Variants in TAF1C observed in about 807,000 individuals in gnomAD.
TAF1C encodes TATA box-binding protein-associated factor RNA polymerase I subunit C.
Under a neutral mutation model 70.5 loss-of-function variants are expected in TAF1C, and 79 were observed. The observed-to-expected ratio is 1.12, with a 90% CI of 0.93 to 1.35. TAF1C has a LOEUF of 1.35. Among genes scored for constraint, TAF1C ranks in the 40% most tolerant of loss-of-function variants. TAF1C has a pLI of 0.00. For synonymous variants in TAF1C, 614 were observed against 491.1 expected (o/e 1.25, Z -3.31); for missense variants, 1,412 against 1,127.8 (o/e 1.25, Z -3.61).
intron 3 of TAF1C, 47 bp from the exon 4 acceptor site, chr16:84,183,554 G>C: frequency 6.4e-7 from 1 of 1,570,230 alleles, no homozygotes; most frequent in East Asian, 2.3e-5. Context: ...CAGGAGTGCG[G>C]CCAGATGCCC....
chr16:84,183,088 TGTCCACCGAG>T lies in TAF1C; in HGVS notation c.460_469del (p.Leu154ThrfsTer91), dbSNP rs2089292992. 6.2e-7 allele frequency: 1 copy of T among 1,614,134 alleles called. No individual in the cohort carries two copies. Among genetic ancestry groups the T allele is most frequent in the Non-Finnish European group, 8.5e-7 (1 of 1,180,028 alleles). On this transcript the variant is annotated frameshift_variant, in exon 6 of 15. Transcript: ENST00000566732. LOFTEE classifies it high-confidence loss of function. ...ATCAGCCACTTGCCCCCAGGGCTGGTGTCCACCGAGGTCCTGGAGCAGCTTCTTCACACTG... is the reference window on the plus strand; with the variant it reads ...ATCAGCCACTTGCCCCCAGGGCTGGTGTCCTGGAGCAGCTTCTTCACACTG...
rs769004895 is a variant in TAF1C at position 84,179,444 on chromosome 16, C to A, written c.2029G>T (p.Ala677Ser). ...GACTCGGGTGCAGGGGGTGGCTCTG[C>A]CGCAGGGAGGGAGCCCAGGTCTCTC... is the stretch of plus-strand genomic sequence containing the variant. ...LQRDLGSLPA[A>S]EPPPAPESGL... is the part of the protein sequence containing the mutation. The change falls in exon 15 of 15, where the codon GCA (alanine) becomes TCA (serine). Residue 677 changes from alanine (A) to serine (S), a missense_variant. Coordinates refer to ENST00000566732, the MANE Select transcript of TAF1C (RefSeq NM_001243156.2). 2 of 1,596,762 alleles carry A rather than the reference C, an allele frequency of 1.3e-6. No homozygotes were observed. Among genetic ancestry groups the A allele is most frequent in the East Asian group, 4.5e-5 (2 of 44,760 alleles).
Position 84,183,490 on chromosome 16 carries a change from G to C in TAF1C, c.238C>G (p.Leu80Val), listed in dbSNP as rs558618789. 6.8e-6 allele frequency: 11 copies of C among 1,611,004 alleles called. No individual in the cohort carries two copies. In the African/African-American group the frequency reaches 9.3e-5, roughly 14 times the overall value. Residue 80 changes from leucine (L) to valine (V), a missense_variant, in exon 4 of 15, where the codon CTG (leucine) becomes GTG (valine). Transcript: ENST00000566732. ...CGGAAAAGCAGGTCCCGGGCAGTCA[G>C]GCCAGGGTCCCAGGGATCTGAGAAG... ...PPLIDPWDPGLTARDLLFRGG... is the reference protein window; with the variant it reads ...PPLIDPWDPGVTARDLLFRGG...
At chr16:84,181,298 C>T (rs2089172294) in intron 11 of TAF1C, 30 bp downstream of exon 11, 4 of 1,609,788 alleles carry the variant, frequency 2.5e-6, no homozygotes, top group African/African-American at 2.7e-5. Context: ...CTCCCGCAGT[C>T]GGGGTGGGTC....
intron 2 of TAF1C, among the ~76,000 whole-genome samples, chr16:84,184,312 C>A (rs2089367772): frequency 6.6e-6 from 1 of 152,192 alleles, no homozygotes; most frequent in Non-Finnish European, 1.5e-5. Flanking sequence ...AGCCTCTGCT[C>A]CACTGTCTCT....
At chr16:84,183,193 C>G in intron 5 of TAF1C, 44 bp from the exon 6 acceptor site, 1 of 1,613,900 alleles carries the variant, frequency 6.2e-7, no homozygotes, top group Non-Finnish European at 8.5e-7. Context: ...CTCGAGTTCA[C>G]CCCTGAAGGA....
rs535080974 is a variant in TAF1C at position 84,180,253 on chromosome 16, A to C, written c.1400T>G (p.Leu467Arg). The C allele has an allele frequency of 7.7e-5, 119 of 1,543,606 alleles. 4 individuals are homozygous for C. The South Asian group carries it at 1.3e-3, about 17-fold the overall frequency. Residue 467 changes from leucine to arginine, a missense_variant, in exon 13 of 15, where the codon CTG becomes CGG. Transcript: ENST00000566732. ...GLPSPLLLAR[L>R]LPPPRPSCVQ... ...GCAGCTGGGCCGGGGCGGAGGCAGC[A>C]GTCGGGCCAGCAGGAGCGGGGAGGG...
In TAF1C at chr16:84,184,880, G is replaced by A. The variant is rs1236790177; in HGVS notation, c.109C>T (p.Leu37=). 6.2e-7 allele frequency: 1 copy of A among 1,610,330 alleles called. No homozygotes were observed. Among genetic ancestry groups the A allele is most frequent in the Non-Finnish European group, 8.5e-7 (1 of 1,178,474 alleles). ...GAGTTCTGGGGCTGGGCCTCTGGCA[G>A]AGTCAGTGCGTCTCGCCAGCTGCAC... ...FMCSWRDALT[L]PEAQPQNSEN... is the part of the protein sequence containing the mutation. The change falls in exon 2 of 15, where the codon CTG becomes TTG. Residue 37 remains leucine, a synonymous_variant. Coordinates refer to ENST00000566732, the MANE Select transcript of TAF1C (RefSeq NM_001243156.2).
intron 12 of TAF1C, 167 bp from the exon 13 acceptor site, chr16:84,180,511 A>C: frequency 1.4e-6 from 1 of 710,650 alleles, no homozygotes; most frequent in Non-Finnish European, 2.2e-6. Context: ...AGCCCTGAAC[A>C]GGTGCCGCTT....
At position 84,182,142 on chromosome 16, in the gene TAF1C, G is replaced by A. The variant is rs898050747; in HGVS notation, c.721+60C>T. The A allele has an allele frequency of 1.3e-6, 2 of 1,590,514 alleles. No homozygotes were observed. Among genetic ancestry groups the A allele is most frequent in the Admixed American group, 3.4e-5 (2 of 58,694 alleles). On this transcript the variant is annotated intron_variant, in intron 7 of 14. Coordinates refer to ENST00000566732, the MANE Select transcript of TAF1C (RefSeq NM_001243156.2). This position sits in a 1 kb window ranked among gnomAD's most constrained non-coding sequence, Gnocchi z 5.0. ...CCTGCCCTTCTCTGGACCATGCCAA[G>A]AGCACCTCCTCTACCAGAGGCGAGC...
chr16:84,179,216 CAG>C lies in TAF1C; in HGVS notation c.2255_2256del (p.Pro752ArgfsTer6). 6.3e-7 allele frequency: 1 copy of C among 1,585,374 alleles called. No homozygotes were observed. Among genetic ancestry groups the C allele is most frequent in the Non-Finnish European group, 8.5e-7 (1 of 1,172,106 alleles). On this transcript the variant is annotated frameshift_variant, in exon 15 of 15. Coordinates refer to ENST00000566732, the MANE Select transcript of TAF1C (RefSeq NM_001243156.2). LOFTEE classifies it low-confidence loss of function (END_TRUNC). ...GGCAGAGCATCAGCAGGTGGCCACT[CAG>C]GGCTATGAGGGGAGCTGGTGTCCTC... ...PSEDTSSPHSPEWPPADALPL... is the reference protein window; with the variant it reads ...PSEDTSSPHSXEWPPADALPL...
intron 2 of TAF1C, 52 bp from the exon 3 acceptor site, chr16:84,183,830 GCC>G: frequency 2.1e-6 from 3 of 1,413,658 alleles, no homozygotes; most frequent in Non-Finnish European, 3.0e-6. Flanking sequence ...CCCTCCCTGG[GCC>G]AGGCTGTGCA....
rs1384045418 is a variant in TAF1C at position 84,182,251 on chromosome 16, G to A, written c.672C>T (p.Pro224=). The change falls in exon 7 of 15, where the codon CCC becomes CCT. Residue 224 remains proline (P), a synonymous_variant. Coordinates refer to ENST00000566732, the MANE Select transcript of TAF1C (RefSeq NM_001243156.2). This position sits in a 1 kb window ranked among gnomAD's most constrained non-coding sequence, Gnocchi z 5.0. ...CAGGGTAGACCAGCTGCCCGAACTG[G>A]GGTGTCCTTCCAGGAACCCAGGCCA... ...GALAWVPGRT[P]QFGQLVYPAG... 1.2e-6 allele frequency: 2 copies of A among 1,613,024 alleles called. No homozygotes were observed. Among genetic ancestry groups the A allele is most frequent in the Non-Finnish European group, 1.7e-6 (2 of 1,179,954 alleles).
chr16:84,180,083 C>G lies in TAF1C; in HGVS notation c.1484G>C (p.Gly495Ala). 4 of 1,593,224 alleles carry G rather than the reference C, an allele frequency of 2.5e-6. No individual in the cohort carries two copies. The East Asian group carries it at 6.7e-5, about 27-fold the overall frequency. The change falls in exon 14 of 15, where the codon GGA becomes GCA. Residue 495 changes from glycine (G) to alanine (A), a missense_variant and splice_region_variant. Physicochemically the swap from Gly to Ala is moderately conservative, Grantham distance 60 (BLOSUM62 0). Coordinates refer to ENST00000566732, the MANE Select transcript of TAF1C (RefSeq NM_001243156.2). ...CAGGCGGGGCACCGACGCCCCTTCT[C>G]CTGAGGAAGGACAGACAGCTGAGGC... ...GGQLQLLHLA[G>A]EGASVPRLAG...
chr16:84,180,400 T>G (rs1567588753), intron 12 of TAF1C, 56 bp from the exon 13 acceptor site: 1 of 1,502,874 alleles, frequency 6.7e-7, no homozygotes, highest in Non-Finnish European at 8.8e-7. Flanking sequence ...AGCTGTGTAG[T>G]GGCCCTCCAG....
intron 2 of TAF1C, 52 bp from the exon 3 acceptor site, chr16:84,183,830 GC>G (rs2089340889): frequency 7.1e-7 from 1 of 1,413,678 alleles, no homozygotes. Context: ...CCCTCCCTGG[GC>G]CAGGCTGTGC....
At position 84,180,375 on chromosome 16, in the gene TAF1C, C is replaced by T. The variant is rs4150163; in HGVS notation, c.1309-31G>A. On this transcript the variant is annotated intron_variant, in intron 12 of 14. Coordinates refer to ENST00000566732, the MANE Select transcript of TAF1C (RefSeq NM_001243156.2). ...GCCCGAGAAGGAAGGGGGATGTGGC[C>T]GAACTTGGGAGCTGAGCTGTGTAGT... 2.3e-4 allele frequency: 346 copies of T among 1,529,552 alleles called. 1 individual carries two copies. The African/African-American group carries it at 4.3e-3, about 19-fold the overall frequency. The allele number at this position is 1,529,552 out of a possible 1,614,324, so 94.7% of individuals were successfully genotyped here.
Position 84,182,980 on chromosome 16 carries a change from G to T in TAF1C, c.482+96C>A. On this transcript the variant is annotated intron_variant, in intron 6 of 14. Transcript: ENST00000566732. This position sits in a 1 kb window ranked among gnomAD's most constrained non-coding sequence, Gnocchi z 5.0. Reference sequence around the variant, plus strand: ...AGACTGCATGGAGCAGGGGGGAAGTGGGTATGACGGAAAGCTGTACGTGCG... The same window carrying T: ...AGACTGCATGGAGCAGGGGGGAAGTTGGTATGACGGAAAGCTGTACGTGCG... 8.1e-7 allele frequency: 1 copy of T among 1,235,870 alleles called. No individual in the cohort carries two copies. The allele number at this position is 1,235,870 out of a possible 1,614,324, so 76.6% of individuals were successfully genotyped here. A position where few individuals can be genotyped will look rare whatever the true frequency, so the allele number is the denominator to read the frequency against.
intron 12 of TAF1C, chr16:84,180,600 G>A: frequency 1.7e-6 from 1 of 580,736 alleles, no homozygotes; most frequent in African/African-American, 1.9e-5. Flanking sequence ...GTGTGGGGGA[G>A]CCTTGCCAGC....
Sources: allele counts gnomAD v4.1 joint callset (sites outside exome capture counted in the v4.1 genomes callset), GRCh38; gene constraint gnomAD v4.1.1; non-coding constraint Gnocchi (gnomAD v3.1); transcripts MANE v1.5; gene names NCBI Gene and HGNC (gene_info 2026-07-23, HGNC 2026-07-21).